ARID4B: variants seen among roughly 807,000 people sequenced by gnomAD.
ARID4B encodes the protein AT-rich interactive domain-containing protein 4B.
A neutral mutation model predicts 147.5 loss-of-function variants in ARID4B; 26 were observed. The observed-to-expected ratio is 0.18, with a 90% CI of 0.13 to 0.24. ARID4B has a LOEUF of 0.24. ARID4B is among the 10% of genes least tolerant of loss of function. The pLI, the probability that ARID4B is intolerant of heterozygous loss-of-function variation, is 1.00. For synonymous variants in ARID4B, 512 were observed against 507.9 expected, an observed-to-expected ratio of 1.01 and a Z score of -0.11; for missense variants, 1,179 against 1,511.5, an observed-to-expected ratio of 0.78 and a Z score of 3.65.
chr1:235,267,900 CAA>C (rs538423438), intron 2 of ARID4B, among the ~76,000 whole-genome samples: 1 of 129,826 alleles, frequency 7.7e-6, no homozygotes, highest in Non-Finnish European at 1.7e-5. Context: ...GACTACGTCT[CAA>C]AAAAAAAAAG....
intron 2 of ARID4B, among the ~76,000 whole-genome samples, chr1:235,306,117 T>C (rs181100334): frequency 4.5e-4 from 68 of 152,312 alleles, no homozygotes; most frequent in African/African-American, 1.5e-3. Context: ...GTGATAAATA[T>C]TTTAATGCTA....
intron 2 of ARID4B, among the ~76,000 whole-genome samples, chr1:235,325,948 T>TA: frequency 6.6e-6 from 1 of 152,330 alleles, no homozygotes; most frequent in East Asian, 1.9e-4. Context: ...AATATTTTTT[T>TA]AAATAGTTCA....
At chr1:235,262,356 T>G (rs1222907579) in intron 2 of ARID4B, among the ~76,000 whole-genome samples, 2 of 152,184 alleles carry the variant, frequency 1.3e-5, no homozygotes, top group African/African-American at 4.8e-5. Flanking sequence ...ACTCAAAACA[T>G]ATCAGTTATA....
At chr1:235,194,241 T>C in intron 18 of ARID4B, 30 bp from the exon 19 acceptor site, 1 of 1,488,364 alleles carries the variant, frequency 6.7e-7, no homozygotes, top group South Asian at 1.1e-5. Context: ...ATGTCGTAAT[T>C]TATCATAAGG....
intron 2 of ARID4B, among the ~76,000 whole-genome samples, chr1:235,297,506 G>T (rs555446890): frequency 1.3e-5 from 2 of 152,116 alleles, no homozygotes; most frequent in Admixed American, 6.6e-5. Context: ...CAAAATCACC[G>T]TTTTGCAATC....
In ARID4B at chr1:235,220,542, G is replaced by A; in HGVS notation, c.1167C>T (p.Tyr389=). Residue 389 remains tyrosine, a synonymous_variant, in exon 15 of 24, where the codon TAC becomes TAT. Transcript: ENST00000264183. ...TACAGTACTCCTCAAAACCATATAA[G>A]TATCTGGAAACATGAAGAGAAATTA... ...GYNVKCAYKK[Y]LYGFEEYCRS... 1 of 1,558,104 alleles carries A rather than the reference G, an allele frequency of 6.4e-7. No homozygotes were observed. The highest frequency in any genetic ancestry group is 8.7e-7 in the Non-Finnish European group (1 of 1,155,264).
chr1:235,265,893 G>A lies in ARID4B; in HGVS notation c.7-5141C>T, dbSNP rs574859038. Among the ~76,000 whole-genome samples the A allele has an allele frequency of 2.0e-5, 3 of 152,050 alleles. No homozygotes were observed. In the East Asian group the frequency reaches 5.8e-4, roughly 29 times the overall value. ...CTTAGAAGAGGGCCCAGCACACATTGCCAAATAAAGGCTATTATTTTTACT... is the reference window on the plus strand; with the variant it reads ...CTTAGAAGAGGGCCCAGCACACATTACCAAATAAAGGCTATTATTTTTACT... On this transcript the variant is annotated intron_variant, in intron 2 of 23. Coordinates refer to ENST00000264183, the MANE Select transcript of ARID4B (RefSeq NM_016374.6).
chr1:235,276,007 C>T (rs1362769553), intron 2 of ARID4B, among the ~76,000 whole-genome samples: 1 of 152,048 alleles, frequency 6.6e-6, no homozygotes, highest in African/African-American at 2.4e-5. Flanking sequence ...CGTGGTAGCA[C>T]ACACCTGTGG....
At position 235,182,152 on chromosome 1, in the gene ARID4B, C is replaced by A. The variant is rs529949992; in HGVS notation, c.2767G>T (p.Asp923Tyr). 6.2e-7 allele frequency: 1 copy of A among 1,614,186 alleles called. No individual in the cohort carries two copies. Among genetic ancestry groups the A allele is most frequent in the African/African-American group, 1.3e-5 (1 of 75,044 alleles). ...ATACTTGACCAGACATCTTTTCGATCTTTGGCCCTGCTGTTTTGAAGTCTT... is the reference window on the plus strand; with the variant it reads ...ATACTTGACCAGACATCTTTTCGATATTTGGCCCTGCTGTTTTGAAGTCTT... ...DERLQNSRAK[D>Y]RKDVWSSIQG... is the part of the protein sequence containing the mutation. Residue 923 changes from aspartate (D) to tyrosine (Y), a missense_variant, in exon 20 of 24, where the codon GAT (aspartate) becomes TAT (tyrosine). Around this residue, in one of 10 missense-constraint regions of ARID4B, gnomAD observed 321 missense variants for 342.4 expected, o/e 0.94. Transcript: ENST00000264183.
intron 19 of ARID4B, chr1:235,190,075 T>C (rs1478141312): frequency 6.5e-6 from 1 of 154,366 alleles, no homozygotes; most frequent in Non-Finnish European, 1.5e-5. Context: ...CCAAGTGTAC[T>C]GTGGATATAT....
In ARID4B at chr1:235,167,516, T is replaced by A. The variant is rs1663047570; in HGVS notation, c.*1009A>T. 4.5e-6 allele frequency: 1 copy of A among 222,330 alleles called. No homozygotes were observed. Among genetic ancestry groups the A allele is most frequent in the African/African-American group, 2.2e-5 (1 of 44,844 alleles). 13.8% of individuals were successfully genotyped at this position (222,330 alleles called of 1,614,324 possible). ...TAATTTTATAGGCCTACCACCCCCA[T>A]TAGCTATTTATATTTAAAATAACCA... On this transcript the variant is annotated 3_prime_UTR_variant, in exon 24 of 24. Transcript: ENST00000264183.
intron 22 of ARID4B, among the ~76,000 whole-genome samples, chr1:235,174,286 A>C (rs931388688): frequency 2.6e-5 from 4 of 151,518 alleles, no homozygotes; most frequent in African/African-American, 9.7e-5. Flanking sequence ...TGATCCACCC[A>C]CCTCAGCCTC....
In ARID4B at chr1:235,326,925, CTCTGGGACCAAG is replaced by C; in HGVS notation, c.-18_-7del. The C allele has an allele frequency of 6.2e-7, 1 of 1,614,056 alleles. No homozygotes were observed. The highest frequency in any genetic ancestry group is 8.5e-7 in the Non-Finnish European group (1 of 1,179,918). ...GCAGGCAATCTTACCTTCATGATGA[CTCTGGGACCAAG>C]GTATCCTCTAAAACACCAGGTTCAG... is the stretch of plus-strand genomic sequence containing the variant. On this transcript the variant is annotated 5_prime_UTR_variant, in exon 2 of 24. Transcript: ENST00000264183.
In ARID4B at chr1:235,219,822, T is replaced by C. The variant is rs781412799; in HGVS notation, c.1554A>G (p.Val518=). 13 of 1,600,512 alleles carry C rather than the reference T, an allele frequency of 8.1e-6. No homozygotes were observed. In the Admixed American group the frequency reaches 2.2e-4, roughly 27 times the overall value. Residue 518 remains valine, a synonymous_variant, in exon 16 of 24, where the codon GTA becomes GTG. Coordinates refer to ENST00000264183, the MANE Select transcript of ARID4B (RefSeq NM_016374.6). ...TRVDESLNIK[V]EAEEEKAKSG... Reference sequence around the variant, plus strand: ...ATTTTGCTTTTTCTTCCTCAGCTTCTACCTTTATGTTGAGGGATTCATCTA... The same window carrying C: ...ATTTTGCTTTTTCTTCCTCAGCTTCCACCTTTATGTTGAGGGATTCATCTA...
rs1228551865 is a variant in ARID4B at position 235,213,933 on chromosome 1, GTCA to G, written c.1674_1676del (p.Asp559del). 9.3e-6 allele frequency: 15 copies of G among 1,612,360 alleles called. No homozygotes were observed. Among genetic ancestry groups the G allele is most frequent in the Admixed American group, 3.3e-5 (2 of 59,958 alleles). On this transcript the variant is annotated inframe_deletion, in exon 17 of 24. Transcript: ENST00000264183. ...ACTCAAACTCCTCTTCCTCATTGTT[GTCA>G]TCATCATCTTCATCCTCTTCTTCTT...
intron 19 of ARID4B, among the ~76,000 whole-genome samples, chr1:235,188,456 G>A (rs769404692): frequency 1.3e-5 from 2 of 152,130 alleles, no homozygotes; most frequent in Non-Finnish European, 2.9e-5. Context: ...AAATTACTTA[G>A]ATGCCTAGAT....
chr1:235,239,142 T>C (rs2103069143), intron 8 of ARID4B, among the ~76,000 whole-genome samples: 1 of 152,196 alleles, frequency 6.6e-6, no homozygotes, highest in East Asian at 1.9e-4. Context: ...GCTAATTTTT[T>C]TGTATTTTTA....
Position 235,326,904 on chromosome 1 carries a change from G to A in ARID4B, c.6+10C>T, listed in dbSNP as rs760290914. On this transcript the variant is annotated intron_variant, in intron 2 of 23. Coordinates refer to ENST00000264183, the MANE Select transcript of ARID4B (RefSeq NM_016374.6). The stretch of plus-strand genomic sequence containing the variant: ...AACCCCAGAGATTCGTTTTCCGCAG[G>A]CAATCTTACCTTCATGATGACTCTG... 1.9e-6 allele frequency: 3 copies of A among 1,613,962 alleles called. No individual in the cohort carries two copies. The highest frequency in any genetic ancestry group is 2.5e-6 in the Non-Finnish European group (3 of 1,179,878).
chr1:235,193,107 AAGC>A (rs1264328948), intron 19 of ARID4B, among the ~76,000 whole-genome samples: 24 of 151,830 alleles, frequency 1.6e-4, no homozygotes, highest in Non-Finnish European at 3.1e-4. Context: ...AAAAAAAAAA[AAGC>A]AGTCAGTCCA....
Sources: allele counts gnomAD v4.1 joint callset (sites outside exome capture counted in the v4.1 genomes callset), GRCh38; gene constraint gnomAD v4.1.1; regional missense constraint gnomAD v4.1.1; transcripts MANE v1.5; gene names NCBI Gene and HGNC (gene_info 2026-07-23, HGNC 2026-07-21).